Variants in PPP2R3B observed in about 807,000 individuals in gnomAD.
PPP2R3B encodes serine/threonine-protein phosphatase 2A regulatory subunit B'' subunit beta.
A neutral mutation model predicts 72.9 loss-of-function variants in PPP2R3B; 68 were observed. The observed-to-expected ratio is 0.93, with a 90% confidence interval of 0.77 to 1.14. The LOEUF is 1.14. Ranked by LOEUF, PPP2R3B falls within the 50% of genes most tolerant of loss-of-function variation. The pLI is 0.00. For missense variants in PPP2R3B, 1,018 were observed against 842.0 expected (o/e 1.21, Z -2.59); for synonymous variants, 466 against 375.8 (o/e 1.24, Z -2.78).
intron 2 of PPP2R3B, chrX:359,979 C>T (rs2071508417): frequency 2.7e-6 from 1 of 368,300 alleles, no homozygotes; most frequent in Non-Finnish European, 5.2e-6. Context: ...TTTAAAAACA[C>T]AATCCCTAAT....
At chrX:377,839 ACGGGCCG>A (rs2072031722) in intron 1 of PPP2R3B, among the ~76,000 whole-genome samples, 3 of 119,396 alleles carry the variant, frequency 2.5e-5, no homozygotes, top group African/African-American at 1.2e-4. Context: ...GTATGCAGGG[ACGGGCCG>A]TCCACACCCA....
intron 1 of PPP2R3B, among the ~76,000 whole-genome samples, chrX:379,712 T>A (rs1273008734): frequency 6.6e-6 from 1 of 152,216 alleles, no homozygotes; most frequent in Non-Finnish European, 1.5e-5. Flanking sequence ...CCTAAATGAA[T>A]GGAAAGTCCT....
At chrX:371,979 T>A (rs915869968) in intron 1 of PPP2R3B, among the ~76,000 whole-genome samples, 1 of 152,184 alleles carries the variant, frequency 6.6e-6, no homozygotes, top group African/African-American at 2.4e-5. Flanking sequence ...AGAAACTGAC[T>A]TTTTAAAAAT....
intron 8 of PPP2R3B, 67 bp from the exon 9 acceptor site, chrX:341,463 C>G (rs1339737522): frequency 2.1e-5 from 33 of 1,543,104 alleles, no homozygotes; most frequent in Non-Finnish European, 3.0e-5. Context: ...GAACGGAGCC[C>G]CTGTCCACGC....
chrX:364,095 C>T (rs994503567), intron 1 of PPP2R3B, among the ~76,000 whole-genome samples: 25 of 152,362 alleles, frequency 1.6e-4, no homozygotes, highest in Non-Finnish European at 2.9e-4. Context: ...GTGGGCCGAG[C>T]GGGCTCACCC....
chrX:345,877 G>A (rs940775090), intron 6 of PPP2R3B, among the ~76,000 whole-genome samples: 20 of 123,166 alleles, frequency 1.6e-4, no homozygotes, highest in African/African-American at 5.6e-4. Flanking sequence ...CTCCCTAGGC[G>A]GGTGTGGGGG....
Position 334,111 on chromosome X carries a change from G to C in PPP2R3B, c.*256C>G, listed in dbSNP as rs760797052. On this transcript the variant is annotated 3_prime_UTR_variant, in exon 13 of 13. Coordinates refer to ENST00000390665, the MANE Select transcript of PPP2R3B (RefSeq NM_013239.5). ...GGCCCCGGAACCCAGGCTGGGTCGG[G>C]AACGGCAAGCGCCAGAGGGTGTCCG... 8.0e-6 allele frequency: 3 copies of C among 376,478 alleles called. No individual in the cohort carries two copies. Among genetic ancestry groups the C allele is most frequent in the Non-Finnish European group, 1.4e-5 (3 of 213,772 alleles). The allele number at this position is 376,478 out of a possible 1,614,324, so 23.3% of individuals were successfully genotyped here.
chrX:379,616 GAGA>G (rs897368858), intron 1 of PPP2R3B, among the ~76,000 whole-genome samples: 75 of 152,356 alleles, frequency 4.9e-4, no homozygotes, highest in African/African-American at 1.8e-3. Flanking sequence ...CCAGAAATTA[GAGA>G]AGAACTAAAT....
At chrX:348,228 C>T (rs1341062077) in intron 2 of PPP2R3B, among the ~76,000 whole-genome samples, 1 of 152,112 alleles carries the variant, frequency 6.6e-6, no homozygotes, top group Non-Finnish European at 1.5e-5. Flanking sequence ...TAAATAGTAA[C>T]AGAAAATCAA....
chrX:344,380 CCACGAGAAGGTCCCGCAGCCT>C (rs2071150806), intron 7 of PPP2R3B, among the ~76,000 whole-genome samples: 1 of 152,258 alleles, frequency 6.6e-6, no homozygotes, highest in African/African-American at 2.4e-5. Context: ...TCAGCTTGGG[CCACGAGAAGGTCCCGCAGCCT>C]GGGCGGCCAT....
chrX:360,442 G>A (rs1316491363), intron 2 of PPP2R3B, among the ~76,000 whole-genome samples: 2 of 152,200 alleles, frequency 1.3e-5, no homozygotes, highest in East Asian at 1.9e-4. Context: ...GCTGAGGCAG[G>A]AGAATCACTT....
chrX:338,136 T>G, intron 12 of PPP2R3B: 2 of 213,090 alleles, frequency 9.4e-6, no homozygotes, highest in Non-Finnish European at 1.9e-5. Context: ...AAATAAAGGG[T>G]TTGTATGCTG....
intron 1 of PPP2R3B, among the ~76,000 whole-genome samples, chrX:378,130 G>A (rs927945007): frequency 6.6e-5 from 10 of 151,960 alleles, no homozygotes; most frequent in African/African-American, 2.4e-4. Flanking sequence ...CGGAATCTGC[G>A]AGGCCTGTTT....
chrX:378,572 C>T (rs2072048670), intron 1 of PPP2R3B, among the ~76,000 whole-genome samples: 2 of 152,208 alleles, frequency 1.3e-5, no homozygotes, highest in South Asian at 4.1e-4. Context: ...GTGCCGTCTG[C>T]AGAGCACGGC....
intron 1 of PPP2R3B, 89 bp from the exon 2 acceptor site, chrX:361,679 C>A: frequency 6.6e-7 from 1 of 1,506,412 alleles, no homozygotes; most frequent in Non-Finnish European, 9.1e-7. Context: ...TCTCTAGGGC[C>A]GACAGTGCTG....
chrX:345,065 C>T (rs949127038), intron 7 of PPP2R3B: 3 of 411,714 alleles, frequency 7.3e-6, no homozygotes, highest in African/African-American at 6.1e-5. Context: ...TGGGCGGCAC[C>T]GGCTCCCGCG....
chrX:366,238 CAT>C (rs2071705574), intron 1 of PPP2R3B, among the ~76,000 whole-genome samples: 5 of 12,112 alleles, frequency 4.1e-4, no homozygotes, highest in Admixed American at 1.4e-3. Context: ...TGTGGTGGCG[CAT>C]GCCTGTACTC....
chrX:371,526 GCA>G (rs1245531805), intron 1 of PPP2R3B, among the ~76,000 whole-genome samples: 1 of 152,050 alleles, frequency 6.6e-6, no homozygotes, highest in Non-Finnish European at 1.5e-5. Flanking sequence ...GTGGGACGTC[GCA>G]CAGTCAGAAG....
At chrX:380,606 T>C (rs901777037) in intron 1 of PPP2R3B, among the ~76,000 whole-genome samples, 1 of 151,768 alleles carries the variant, frequency 6.6e-6, no homozygotes, top group Non-Finnish European at 1.5e-5. Flanking sequence ...ACCAACATAG[T>C]GAAACCCCAT....
Sources: allele counts gnomAD v4.1 joint callset (sites outside exome capture counted in the v4.1 genomes callset), GRCh38; gene constraint gnomAD v4.1.1; transcripts MANE v1.5; gene names NCBI Gene and HGNC (gene_info 2026-07-23, HGNC 2026-07-21).